Variants in GPHN observed in about 807,000 individuals in gnomAD.
GPHN encodes the protein gephyrin.
A neutral mutation model predicts 95.5 loss-of-function variants in GPHN; 17 were observed. That is an observed-to-expected ratio of 0.18 (90% CI 0.12 to 0.27). The LOEUF (loss-of-function observed/expected upper bound fraction) is 0.27. GPHN is among the 10% of genes least tolerant of loss of function. The pLI is 1.00. For missense variants in GPHN, 660 were observed against 978.1 expected, an observed-to-expected ratio of 0.67 and a Z score of 4.34; for synonymous variants, 320 against 322.5, an observed-to-expected ratio of 0.99 and a Z score of 0.08.
At chr14:66,694,544 C>A (rs1317401121) in intron 2 of GPHN, among the ~76,000 whole-genome samples, 1 of 152,134 alleles carries the variant, frequency 6.6e-6, no homozygotes, top group Non-Finnish European at 1.5e-5. Flanking sequence ...TGGACGTAGA[C>A]CTTACACCCT....
the GPHN span, among the ~76,000 whole-genome samples, chr14:67,260,457 TAAC>T: frequency 6.6e-6 from 1 of 152,234 alleles, no homozygotes; most frequent in African/African-American, 2.4e-5. Flanking sequence ...AAATATGAGT[TAAC>T]AAACTTTGCC....
chr14:66,693,309 T>C (rs1320967359), intron 2 of GPHN, among the ~76,000 whole-genome samples: 4 of 152,196 alleles, frequency 2.6e-5, no homozygotes, highest in African/African-American at 7.2e-5. Flanking sequence ...TTCTAATGAA[T>C]ATGGATATTA....
At chr14:67,640,082 A>G in the GPHN span, among the ~76,000 whole-genome samples, 2 of 152,114 alleles carry the variant, frequency 1.3e-5, no homozygotes, top group African/African-American at 2.4e-5. Context: ...TGAAGTCCAT[A>G]ATGACTTTAC....
At chr14:66,660,158 G>A (rs2065556603) in intron 1 of GPHN, among the ~76,000 whole-genome samples, 1 of 151,866 alleles carries the variant, frequency 6.6e-6, no homozygotes, top group African/African-American at 2.4e-5. Flanking sequence ...TGAAGTGTAG[G>A]AAACTTAAAT....
chr14:66,774,254 G>C (rs1313645781), intron 2 of GPHN, among the ~76,000 whole-genome samples: 1 of 151,802 alleles, frequency 6.6e-6, no homozygotes, highest in Non-Finnish European at 1.5e-5. Context: ...CGCCCGCCTC[G>C]GGCTCCCAAA....
At chr14:66,739,421 T>C (rs902283946) in intron 2 of GPHN, among the ~76,000 whole-genome samples, 11 of 151,714 alleles carry the variant, frequency 7.3e-5, no homozygotes, top group Non-Finnish European at 1.0e-4. Context: ...TTTCACTGTG[T>C]TAGCCAGAAT....
At chr14:66,670,498 A>G (rs918463997) in intron 1 of GPHN, among the ~76,000 whole-genome samples, 1 of 152,218 alleles carries the variant, frequency 6.6e-6, no homozygotes, top group Non-Finnish European at 1.5e-5. Flanking sequence ...AAAAGTGGTT[A>G]GTAAACGTTT....
chr14:66,727,028 T>C (rs2071308318), intron 2 of GPHN, among the ~76,000 whole-genome samples: 1 of 152,206 alleles, frequency 6.6e-6, no homozygotes, highest in African/African-American at 2.4e-5. Context: ...CCACATGTCA[T>C]AGGAGGAACC....
intron 9 of GPHN, among the ~76,000 whole-genome samples, chr14:67,006,469 A>G (rs918937810): frequency 4.6e-5 from 7 of 152,122 alleles, no homozygotes; most frequent in South Asian, 2.1e-4. Context: ...TTGGGCTACC[A>G]TGCTTAAATG....
chr14:67,393,035 C>CTGT, the GPHN span: 1 of 940,522 alleles, frequency 1.1e-6, no homozygotes, highest in Middle Eastern at 3.1e-4. Flanking sequence ...TCAGGCTAGC[C>CTGT]TGTTGCCCAG....
At chr14:67,383,557 T>TAAG in the GPHN span, 3 of 1,419,138 alleles carry the variant, frequency 2.1e-6, no homozygotes, top group Non-Finnish European at 2.9e-6. Context: ...TTTTTATTTC[T>TAAG]AAGTATTTAA....
At chr14:67,496,391 G>GTTGTTT in the GPHN span, among the ~76,000 whole-genome samples, 1 of 30,108 alleles carries the variant, frequency 3.3e-5, no homozygotes, top group Non-Finnish European at 5.8e-5. Flanking sequence ...CTGCTCCGGC[G>GTTGTTT]TTTTTTTTTT....
At position 66,791,248 on chromosome 14, in the gene GPHN, G is replaced by T. The variant is rs141597756; in HGVS notation, c.201+14727G>T. ...TCAGTGCTGCAGTCTATTTCCTTTG[G>T]GTTGGGGGTTTCCTCAGTATTGTCC... On this transcript the variant is annotated intron_variant, in intron 3 of 22. Transcript: ENST00000478722. Among the ~76,000 whole-genome samples, 654 of 152,264 alleles carry T rather than the reference G, an allele frequency of 4.3e-3. 6 individuals carry two copies. The highest frequency in any genetic ancestry group is 0.015 in the African/African-American group (603 of 41,544).
At chr14:66,545,746 C>G (rs576890446) in intron 1 of GPHN, among the ~76,000 whole-genome samples, 12 of 145,094 alleles carry the variant, frequency 8.3e-5, no homozygotes, top group South Asian at 6.6e-4. Context: ...CTGACCCCCC[C>G]ACCTCCCTCC....
chr14:67,405,693 C>G, the GPHN span, among the ~76,000 whole-genome samples: 1 of 152,196 alleles, frequency 6.6e-6, no homozygotes, highest in South Asian at 2.1e-4. Context: ...CTCTTTCTCC[C>G]TCTGCCTCTC....
chr14:67,677,495 ACTAGTTAATCCTTAAAGGG>A, the GPHN span: 5 of 147,066 alleles, frequency 3.4e-5, no homozygotes, highest in African/African-American at 5.0e-5. Context: ...TTAATCCTTA[ACTAGTTAATCCTTAAAGGG>A]CTAGTTAATC....
At chr14:67,480,017 C>T in the GPHN span, among the ~76,000 whole-genome samples, 1 of 152,216 alleles carries the variant, frequency 6.6e-6, no homozygotes, top group African/African-American at 2.4e-5. Flanking sequence ...CACCCTGTGC[C>T]TCAGGGTCCT....
At chr14:66,544,534 G>T (rs1425042354) in intron 1 of GPHN, among the ~76,000 whole-genome samples, 1 of 151,080 alleles carries the variant, frequency 6.6e-6, no homozygotes, top group East Asian at 1.9e-4. Flanking sequence ...AGTGCCCAAT[G>T]AATATTTGTT....
intron 18 of GPHN, among the ~76,000 whole-genome samples, chr14:67,152,709 G>A (rs1595400763): frequency 6.6e-6 from 1 of 152,150 alleles, no homozygotes; most frequent in African/African-American, 2.4e-5. Flanking sequence ...GCTCACACCT[G>A]TAATCCCAGC....
Sources: allele counts gnomAD v4.1 joint callset (sites outside exome capture counted in the v4.1 genomes callset), GRCh38; gene constraint gnomAD v4.1.1; transcripts MANE v1.5; gene names NCBI Gene and HGNC (gene_info 2026-07-23, HGNC 2026-07-21).